TENM3: variants seen among roughly 807,000 people sequenced by gnomAD.
TENM3 encodes teneurin-3.
A neutral mutation model predicts 255.1 loss-of-function variants in TENM3; 63 were observed. The ratio of observed to expected loss-of-function variants is 0.25; its 90% CI spans 0.20 to 0.30. The LOEUF is 0.30. TENM3 is among the 10% of genes least tolerant of loss of function. TENM3 has a pLI of 1.00. For synonymous variants in TENM3, 1,306 were observed against 1,322.3 expected, an observed-to-expected ratio of 0.99 and a Z score of 0.27; for missense variants, 2,929 against 3,461.1, an observed-to-expected ratio of 0.85 and a Z score of 3.86.
Position 182,601,042 on chromosome 4 carries a change from T to C in TENM3, c.630T>C (p.Asn210=), listed in dbSNP as rs979262769. ...ITSLNRNSLT[N]RRNQSPAPPA... is the part of the protein sequence containing the mutation. ...CTCTCAACAGAAACTCCCTGACCAA[T>C]AGAAGGAACCAGAGTCCGGCCCCGC... The change falls in exon 4 of 28, where the codon AAT becomes AAC. Residue 210 remains asparagine, a synonymous_variant. Transcript: ENST00000511685. The C allele has an allele frequency of 1.9e-6, 3 of 1,612,840 alleles. No individual in the cohort carries two copies. The highest frequency in any genetic ancestry group is 1.1e-5 in the South Asian group (1 of 91,026).
chr4:182,681,976 C>T lies in TENM3; in HGVS notation c.1997C>T (p.Thr666Met), dbSNP rs374213747. Residue 666 changes from threonine to methionine, a missense_variant, in exon 11 of 28, where the codon ACG becomes ATG. Thr to Met is a moderately conservative substitution (Grantham distance 81, BLOSUM62 -1). Coordinates refer to ENST00000511685, the MANE Select transcript of TENM3 (RefSeq NM_001080477.4). The stretch of plus-strand genomic sequence containing the variant: ...TATCTTCAAGAAAGTGGCTCCTGCA[C>T]GTGTGACCCTAACTGGACTGGCCCA... ...GTYLQESGSC[T>M]CDPNWTGPDC... 20 of 1,613,818 alleles carry T rather than the reference C, an allele frequency of 1.2e-5. No individual in the cohort carries two copies. Among genetic ancestry groups the T allele is most frequent in the Admixed American group, 8.3e-5 (5 of 59,998 alleles).
the TENM3 span, among the ~76,000 whole-genome samples, chr4:181,653,283 G>C: frequency 6.6e-6 from 1 of 152,202 alleles, no homozygotes; most frequent in Non-Finnish European, 1.5e-5. Flanking sequence ...TGATTCAGTA[G>C]GTCTGGGGCA....
intron 3 of TENM3, among the ~76,000 whole-genome samples, chr4:182,443,561 C>T (rs17073286): frequency 0.57 from 86,178 of 151,962 alleles, 24,714 homozygotes; most frequent in South Asian, 0.64. Flanking sequence ...AAGCTCTGCC[C>T]TCCTGCCTCT....
At chr4:182,215,716 C>T (rs1471493027) in intron 1 of TENM3, among the ~76,000 whole-genome samples, 2 of 152,140 alleles carry the variant, frequency 1.3e-5, no homozygotes, top group African/African-American at 4.8e-5. Flanking sequence ...TTGTTGTTCA[C>T]ACACGGGTCT....
At position 182,565,470 on chromosome 4, in the gene TENM3, A is replaced by G. The variant is rs56725367; in HGVS notation, c.512-35454A>G. Among the ~76,000 whole-genome samples the G allele has an allele frequency of 7.9e-3, 1,199 of 152,316 alleles. 36 individuals are homozygous for G. In the East Asian group the frequency reaches 0.08, roughly 10 times the overall value. On this transcript the variant is annotated intron_variant, in intron 3 of 27. Coordinates refer to ENST00000511685, the MANE Select transcript of TENM3 (RefSeq NM_001080477.4). ...CAGCTATCTCAAGTCCTCCCGAAGGATATAGTGTAGTGTTGCCACTATGTT... is the reference window on the plus strand; with the variant it reads ...CAGCTATCTCAAGTCCTCCCGAAGGGTATAGTGTAGTGTTGCCACTATGTT...
At position 182,312,324 on chromosome 4, in the gene TENM3, C is replaced by T. The variant is rs190743693; in HGVS notation, c.-75-11622C>T. Among the ~76,000 whole-genome samples, 885 of 152,160 alleles carry T rather than the reference C, an allele frequency of 5.8e-3. 8 individuals are homozygous for T. The highest frequency in any genetic ancestry group is 0.036 in the South Asian group (175 of 4,810). On this transcript the variant is annotated intron_variant, in intron 1 of 27. Transcript: ENST00000511685. ...CTGCAGTGAGCTGTGATCGTACCAC[C>T]GTACTCCAGCCTGGGCAGCAGAGCG...
chr4:182,256,494 G>A (rs1419154499), intron 1 of TENM3, among the ~76,000 whole-genome samples: 2 of 152,144 alleles, frequency 1.3e-5, no homozygotes, highest in African/African-American at 4.8e-5. Flanking sequence ...AGATAAAACT[G>A]TAAACTGAAA....
At chr4:182,328,561 G>C (rs573250683) in intron 2 of TENM3, among the ~76,000 whole-genome samples, 1 of 151,962 alleles carries the variant, frequency 6.6e-6, no homozygotes, top group Admixed American at 6.6e-5. Flanking sequence ...ATCTATGTTT[G>C]TACGTTACTG....
At chr4:182,279,894 A>T (rs910724295) in intron 1 of TENM3, among the ~76,000 whole-genome samples, 1 of 152,166 alleles carries the variant, frequency 6.6e-6, no homozygotes, top group East Asian at 1.9e-4. Context: ...TAATATCTCA[A>T]TCAAGAGTTC....
chr4:181,797,512 A>G, the TENM3 span, among the ~76,000 whole-genome samples: 3 of 152,100 alleles, frequency 2.0e-5, no homozygotes, highest in African/African-American at 7.2e-5. Context: ...AAACATATAC[A>G]TGAATGTGTA....
the TENM3 span, among the ~76,000 whole-genome samples, chr4:181,878,262 A>G: frequency 6.6e-6 from 1 of 152,008 alleles, no homozygotes; most frequent in Admixed American, 6.6e-5. Context: ...GTAGGTATGT[A>G]TATAGGTAAC....
the TENM3 span, among the ~76,000 whole-genome samples, chr4:181,888,494 G>GTATATATATATATATATATATATATATA: frequency 3.5e-5 from 1 of 28,236 alleles, no homozygotes; most frequent in African/African-American, 1.7e-4. Flanking sequence ...ATAGAAATGT[G>GTATATATATATATATATATATATATATA]TATATATATA....
At chr4:181,538,226 A>T in the TENM3 span, among the ~76,000 whole-genome samples, 1 of 152,308 alleles carries the variant, frequency 6.6e-6, no homozygotes, top group African/African-American at 2.4e-5. Flanking sequence ...CAATACACAG[A>T]TTACATTGGT....
the TENM3 span, among the ~76,000 whole-genome samples, chr4:181,684,808 G>A: frequency 5.1e-3 from 769 of 152,002 alleles, 5 homozygotes; most frequent in African/African-American, 0.018. Flanking sequence ...GGGCTGGAGT[G>A]CAGTGGTGCC....
At chr4:182,186,539 CTTACATTTA>C (rs1441913322) in intron 1 of TENM3, among the ~76,000 whole-genome samples, 1 of 150,982 alleles carries the variant, frequency 6.6e-6, no homozygotes, top group Non-Finnish European at 1.5e-5. Flanking sequence ...GCTGGAACTT[CTTACATTTA>C]TTACATGTTA....
At chr4:181,486,703 C>T in the TENM3 span, among the ~76,000 whole-genome samples, 2 of 152,180 alleles carry the variant, frequency 1.3e-5, no homozygotes, top group African/African-American at 4.8e-5. Context: ...CATTACCAAC[C>T]TCTATTTTCA....
At chr4:182,349,827 C>T in intron 3 of TENM3, 1 of 358,798 alleles carries the variant, frequency 2.8e-6, no homozygotes. Context: ...CTCTTTTATT[C>T]ATTTTTATAC....
At chr4:181,890,440 A>G in the TENM3 span, among the ~76,000 whole-genome samples, 1 of 152,192 alleles carries the variant, frequency 6.6e-6, no homozygotes, top group Non-Finnish European at 1.5e-5. Flanking sequence ...AAAAAAGACT[A>G]CTAAAATACA....
chr4:182,516,630 C>T (rs112333173), intron 3 of TENM3, among the ~76,000 whole-genome samples: 11,523 of 152,132 alleles, frequency 0.076, 494 homozygotes, highest in East Asian at 0.11. Context: ...ATGGCTCATG[C>T]CTGTAATCCC....
Sources: gnomAD v4.1 joint callset for allele counts (sites outside exome capture counted in the v4.1 genomes callset) on GRCh38, gnomAD v4.1.1 for gene constraint, MANE v1.5 for transcripts, NCBI Gene and HGNC (gene_info 2026-07-23, HGNC 2026-07-21) for gene names.